The following PCA3 variants were observed in gnomAD, a reference collection of about 807,000 sequenced individuals.
The protein encoded by PCA3 is prostate cancer associated 3, also known as Differential Display code 3.
chr9:76,766,517 T>C (rs1036923594), intron 2 of PCA3, among the ~76,000 whole-genome samples: 4 of 152,236 alleles, frequency 2.6e-5, no homozygotes, highest in African/African-American at 9.6e-5. Flanking sequence ...TTCTTTCTGC[T>C]AAATTAACTT....
chr9:76,771,783 C>T (rs2053136848), intron 2 of PCA3, among the ~76,000 whole-genome samples: 1 of 152,062 alleles, frequency 6.6e-6, no homozygotes, highest in South Asian at 2.1e-4. Flanking sequence ...CAATTATTTC[C>T]CAGAGGGAGA....
At chr9:76,765,911 G>A (rs1304118534) in intron 2 of PCA3, among the ~76,000 whole-genome samples, 3 of 152,068 alleles carry the variant, frequency 2.0e-5, no homozygotes, top group African/African-American at 7.2e-5. Context: ...GGCCAGACGC[G>A]GTGGCTCACG....
At chr9:76,782,186 C>T (rs914556951) in intron 2 of PCA3, among the ~76,000 whole-genome samples, 6 of 151,344 alleles carry the variant, frequency 4.0e-5, no homozygotes, top group African/African-American at 1.5e-4. Flanking sequence ...TGCACTCCAG[C>T]CTGGGTGACA....
intron 2 of PCA3, among the ~76,000 whole-genome samples, chr9:76,781,195 T>TG (rs1344850840): frequency 6.6e-6 from 1 of 152,212 alleles, no homozygotes; most frequent in Non-Finnish European, 1.5e-5. Context: ...TTATTTGCAT[T>TG]GTTACCTGCT....
intron 2 of PCA3, among the ~76,000 whole-genome samples, chr9:76,778,208 C>T (rs1261582277): frequency 6.6e-6 from 1 of 152,210 alleles, no homozygotes; most frequent in Non-Finnish European, 1.5e-5. Flanking sequence ...CTGAGGAAGA[C>T]TGCTGCAGGC....
In PCA3 at chr9:76,768,385, G is replaced by A. The variant is rs147242190; in HGVS notation, n.852+31770G>A. On this transcript the variant is annotated intron_variant and non_coding_transcript_variant, in intron 2 of 5. Coordinates refer to ENST00000644657, the Ensembl canonical transcript of PCA3. ...TTTTTGTATTTTTAGTAGTGACGGG[G>A]GTTCACCATGTTGGCCAAGCTGGTC... Among the ~76,000 whole-genome samples the A allele has an allele frequency of 1.0e-3, 154 of 152,070 alleles. 1 individual carries two copies. In the East Asian group the frequency reaches 0.025, roughly 25 times the overall value.
At chr9:76,773,760 G>A (rs1326140933) in intron 2 of PCA3, among the ~76,000 whole-genome samples, 1 of 152,132 alleles carries the variant, frequency 6.6e-6, no homozygotes, top group African/African-American at 2.4e-5. Context: ...ATCTTATGTA[G>A]GTGCAGTAAT....
Position 76,768,583 on chromosome 9 carries a change from ATGTGTGTGTG to A in PCA3, n.852+32000_852+32009del, listed in dbSNP as rs55793596. 2.3e-3 allele frequency among the ~76,000 whole-genome samples: 233 copies of A among 103,352 alleles called. 1 individual carries two copies. Among genetic ancestry groups the A allele is most frequent in the African/African-American group, 6.5e-3 (200 of 30,864 alleles). 67.8% of individuals were successfully genotyped at this position (103,352 alleles called of 152,430 possible). The stretch of plus-strand genomic sequence containing the variant: ...TGGGTTGATATATATATGTATATGT[ATGTGTGTGTG>A]TGTGTGTGTGTGTGTGTGTGTGTGT... On this transcript the variant is annotated intron_variant and non_coding_transcript_variant, in intron 2 of 5. Coordinates refer to ENST00000644657, the Ensembl canonical transcript of PCA3.
intron 2 of PCA3, among the ~76,000 whole-genome samples, chr9:76,773,438 CTTTT>C (rs35078779): frequency 0.021 from 2,240 of 107,586 alleles, 49 homozygotes; most frequent in African/African-American, 0.072. Context: ...ACTAGTACAT[CTTTT>C]TTTTTTTTTT....
At chr9:76,784,308 C>G (rs2054747077) in intron 2 of PCA3, 1 of 152,154 alleles carries the variant, frequency 6.6e-6, no homozygotes, top group South Asian at 2.1e-4. Flanking sequence ...ACAAAGTGAG[C>G]ATTACCAATG....
At chr9:76,769,586 C>T (rs906849188) in intron 2 of PCA3, among the ~76,000 whole-genome samples, 5 of 152,134 alleles carry the variant, frequency 3.3e-5, no homozygotes, top group South Asian at 4.1e-4. Context: ...CCACCATGTC[C>T]GGCTAATTTT....
At position 76,774,450 on chromosome 9, in the gene PCA3, C is replaced by CTTTTTTTATTTATTTATTTATTTTTT. The variant is rs1564272256; in HGVS notation, n.853-34126_853-34125insATTTATTTATTTATTTTTTTTTTTTT. Among the ~76,000 whole-genome samples the CTTTTTTTATTTATTTATTTATTTTTT allele has an allele frequency of 6.1e-3, 251 of 41,366 alleles. 5 individuals are homozygous for CTTTTTTTATTTATTTATTTATTTTTT. Among genetic ancestry groups the CTTTTTTTATTTATTTATTTATTTTTT allele is most frequent in the Middle Eastern group, 0.016 (1 of 62 alleles). 27.1% of individuals were successfully genotyped at this position (41,366 alleles called of 152,430 possible). Reference sequence around the variant, plus strand: ...ATCGTTCCTGGCCTCCAGTTCAACCCTTTTTTTTTTTTTTTTTTTTTTTTT... The same window carrying CTTTTTTTATTTATTTATTTATTTTTT: ...ATCGTTCCTGGCCTCCAGTTCAACCCTTTTTTTATTTATTTATTTATTTTTTTTTTTTTTTTTTTTTTTTTTTTTTT... On this transcript the variant is annotated intron_variant and non_coding_transcript_variant, in intron 2 of 5. Transcript: ENST00000644657.
intron 2 of PCA3, among the ~76,000 whole-genome samples, chr9:76,770,121 C>T (rs926212857): frequency 6.6e-6 from 1 of 152,140 alleles, no homozygotes; most frequent in African/African-American, 2.4e-5. Flanking sequence ...CACAATTCTT[C>T]AGTCACTAAA....
At chr9:76,767,893 T>G (rs1206413964) in intron 2 of PCA3, among the ~76,000 whole-genome samples, 3 of 152,232 alleles carry the variant, frequency 2.0e-5, no homozygotes, top group Non-Finnish European at 4.4e-5. Context: ...TTCCCTGGCT[T>G]CCTAACCCTC....
chr9:76,779,827 C>T (rs1255710489), intron 2 of PCA3: 2 of 152,224 alleles, frequency 1.3e-5, no homozygotes, highest in Admixed American at 6.5e-5. Context: ...TGCTTTGTCC[C>T]ATTATCACCA....
chr9:76,770,965 C>A (rs1242497962), intron 2 of PCA3, among the ~76,000 whole-genome samples: 1 of 150,826 alleles, frequency 6.6e-6, no homozygotes, highest in African/African-American at 2.5e-5. Context: ...AAACTAATAA[C>A]TAACTAGAGA....
At chr9:76,768,568 T>C (rs2052694041) in intron 2 of PCA3, among the ~76,000 whole-genome samples, 2 of 116,632 alleles carry the variant, frequency 1.7e-5, no homozygotes, top group South Asian at 6.1e-4. Flanking sequence ...TGGGTTGATA[T>C]ATATATGTAT....
chr9:76,774,311 A>AT (rs1157312315), intron 2 of PCA3, among the ~76,000 whole-genome samples: 1 of 150,862 alleles, frequency 6.6e-6, no homozygotes, highest in East Asian at 2.0e-4. Context: ...AATTTTTTGT[A>AT]TTTTTTTGTA....
At chr9:76,782,932 C>T (rs1382499663) in intron 2 of PCA3, 1 of 152,188 alleles carries the variant, frequency 6.6e-6, no homozygotes, top group African/African-American at 2.4e-5. Context: ...CTGCAAATGT[C>T]CTGGGTCTTA....
Sources: gnomAD v4.1 joint callset for allele counts (sites outside exome capture counted in the v4.1 genomes callset) on GRCh38, gnomAD v4.1.1 for gene constraint, MANE v1.5 for transcripts, NCBI Gene and HGNC (gene_info 2026-07-23, HGNC 2026-07-21) for gene names.